The following CADPS2 variants were observed in gnomAD, a reference collection of about 807,000 sequenced individuals.
CADPS2 encodes calcium dependent secretion activator 2.
Under a neutral mutation model 172.5 loss-of-function variants are expected in CADPS2, and 93 were observed. The observed-to-expected ratio is 0.54, with a 90% CI of 0.46 to 0.64. CADPS2 has a LOEUF of 0.64. CADPS2 is among the 30% of genes least tolerant of loss of function. The pLI, the probability that CADPS2 is intolerant of heterozygous loss-of-function variation, is 0.00. For missense variants in CADPS2, 1,420 were observed against 1,565.9 expected (o/e 0.91, Z 1.57); for synonymous variants, 546 against 555.2 (o/e 0.98, Z 0.23).
rs2150652747 is a variant in CADPS2, at chr7:122,320,098, A to T, written c.*67T>A. 7.4e-7 allele frequency: 1 copy of T among 1,351,062 alleles called. No homozygotes were observed. The highest frequency in any genetic ancestry group is 9.7e-7 in the Non-Finnish European group (1 of 1,030,926). 83.7% of individuals were successfully genotyped at this position (1,351,062 alleles called of 1,614,324 possible). ...ACAAACAATGAATGTAATTACAAGG[A>T]CAAGGTTAAAAAAATAAAAAACAAT... On this transcript the variant is annotated 3_prime_UTR_variant, in exon 30 of 30. Coordinates refer to ENST00000449022, the MANE Select transcript of CADPS2 (RefSeq NM_017954.11).
intron 8 of CADPS2, among the ~76,000 whole-genome samples, chr7:122,544,443 GATTT>G (rs2063418809): frequency 6.6e-6 from 1 of 152,048 alleles, no homozygotes; most frequent in Non-Finnish European, 1.5e-5. Context: ...AAACGACAAC[GATTT>G]ATTATTTCTT....
intron 1 of CADPS2, among the ~76,000 whole-genome samples, chr7:122,839,299 A>G (rs556607943): frequency 8.5e-5 from 13 of 152,220 alleles, no homozygotes; most frequent in Non-Finnish European, 1.2e-4. Flanking sequence ...TAAAGACTTA[A>G]ATGTTAGACC....
At chr7:122,663,627 T>A (rs1266376937) in intron 2 of CADPS2, 58 bp from the exon 3 acceptor site, 11 of 1,267,510 alleles carry the variant, frequency 8.7e-6, no homozygotes, top group African/African-American at 1.5e-5. Context: ...GTGTAGATGC[T>A]AACACCACTT....
In CADPS2 at chr7:122,754,409, G is replaced by T. The variant is rs76409643; in HGVS notation, c.340-17341C>A. Among the ~76,000 whole-genome samples the T allele has an allele frequency of 7.7e-3, 1,179 of 152,260 alleles. 5 individuals carry two copies. The highest frequency in any genetic ancestry group is 0.012 in the Non-Finnish European group (794 of 68,010). ...ATAATCAATGAAATTTAATTAAAATGACTTACTAAAAGGCCTTGACAGCAT... is the reference window on the plus strand; with the variant it reads ...ATAATCAATGAAATTTAATTAAAATTACTTACTAAAAGGCCTTGACAGCAT... On this transcript the variant is annotated intron_variant, in intron 1 of 29. Transcript: ENST00000449022.
At chr7:122,597,438 A>G (rs1169227358) in intron 6 of CADPS2, among the ~76,000 whole-genome samples, 4 of 151,878 alleles carry the variant, frequency 2.6e-5, no homozygotes, top group African/African-American at 4.8e-5. Context: ...TGAAATCCCA[A>G]CTCCCCAAGG....
rs1199233856 is a variant in CADPS2 at position 122,319,565 on chromosome 7, A to T, written c.*600T>A. On this transcript the variant is annotated 3_prime_UTR_variant, in exon 30 of 30. Coordinates refer to ENST00000449022, the MANE Select transcript of CADPS2 (RefSeq NM_017954.11). The stretch of plus-strand genomic sequence containing the variant: ...ACAAACCCATTGGATAATCTAGTCT[A>T]TATTTGGGTTTGGCAATCCTTTCAT... The T allele has an allele frequency of 6.6e-6, 1 of 152,224 alleles. No homozygotes were observed. Among genetic ancestry groups the T allele is most frequent in the Non-Finnish European group, 1.5e-5 (1 of 68,044 alleles). The allele number at this position is 152,224 out of a possible 1,614,324, so 9.4% of individuals were successfully genotyped here.
At chr7:122,382,863 G>A (rs1279600275) in intron 24 of CADPS2, among the ~76,000 whole-genome samples, 2 of 152,070 alleles carry the variant, frequency 1.3e-5, no homozygotes, top group Non-Finnish European at 2.9e-5. Context: ...TGGTGGGAAT[G>A]TAAATTAATT....
At chr7:122,469,690 G>A (rs952085899) in intron 14 of CADPS2, among the ~76,000 whole-genome samples, 1 of 152,090 alleles carries the variant, frequency 6.6e-6, no homozygotes, top group Non-Finnish European at 1.5e-5. Context: ...GCAGCACTGG[G>A]GACTTCAACA....
At position 122,836,870 on chromosome 7, in the gene CADPS2, G is replaced by A. The variant is rs567483514; in HGVS notation, c.339+49129C>T. ...CACTGTCAACATTAGACAGATCAACGAGACAGAAAGTTAACAAGGATATCC... is the reference window on the plus strand; with the variant it reads ...CACTGTCAACATTAGACAGATCAACAAGACAGAAAGTTAACAAGGATATCC... On this transcript the variant is annotated intron_variant, in intron 1 of 29. Coordinates refer to ENST00000449022, the MANE Select transcript of CADPS2 (RefSeq NM_017954.11). Among the ~76,000 whole-genome samples, 48 of 152,016 alleles carry A rather than the reference G, an allele frequency of 3.2e-4. 1 individual carries two copies. The highest frequency in any genetic ancestry group is 6.8e-4 in the African/African-American group (28 of 41,390).
intron 1 of CADPS2, among the ~76,000 whole-genome samples, chr7:122,862,904 T>A (rs1042777442): frequency 3.3e-5 from 5 of 152,170 alleles, no homozygotes; most frequent in Admixed American, 2.6e-4. Flanking sequence ...GTCAAGAAGA[T>A]AAAGTAGATG....
At chr7:122,734,002 T>C (rs1562889057) in intron 2 of CADPS2, among the ~76,000 whole-genome samples, 2 of 151,924 alleles carry the variant, frequency 1.3e-5, no homozygotes, top group Admixed American at 6.6e-5. Context: ...AGAACTTTTG[T>C]TCACAAAGCA....
At chr7:122,509,771 T>G (rs943025572) in intron 9 of CADPS2, among the ~76,000 whole-genome samples, 1 of 152,194 alleles carries the variant, frequency 6.6e-6, no homozygotes, top group African/African-American at 2.4e-5. Context: ...TCTGTATTAT[T>G]TTCTTATCTG....
intron 2 of CADPS2, among the ~76,000 whole-genome samples, chr7:122,693,068 C>A (rs545798845): frequency 1.6e-4 from 25 of 152,330 alleles, no homozygotes; most frequent in African/African-American, 5.5e-4. Context: ...TGCTGAGTCA[C>A]TCTGGATGTT....
At chr7:122,763,839 G>A (rs566459498) in intron 1 of CADPS2, among the ~76,000 whole-genome samples, 10 of 152,162 alleles carry the variant, frequency 6.6e-5, no homozygotes, top group Admixed American at 3.9e-4. Context: ...AGATGAGATC[G>A]GGCGCATTCA....
intron 20 of CADPS2, among the ~76,000 whole-genome samples, chr7:122,394,321 G>A (rs1585577509): frequency 6.6e-6 from 1 of 152,192 alleles, no homozygotes; most frequent in East Asian, 1.9e-4. Flanking sequence ...CTATGCAGAT[G>A]ATACAATTTT....
At chr7:122,366,704 TACATATATATATACAC>T in intron 25 of CADPS2, 3 of 146,466 alleles carry the variant, frequency 2.0e-5, no homozygotes, top group East Asian at 3.9e-4. Context: ...TATATACGTA[TACATATATATATACAC>T]ACATATATGT....
chr7:122,571,766 G>A (rs1451987279), intron 7 of CADPS2, among the ~76,000 whole-genome samples: 1 of 152,098 alleles, frequency 6.6e-6, no homozygotes, highest in East Asian at 1.9e-4. Flanking sequence ...CTATCTGAAA[G>A]GATTTAAGCC....
At chr7:122,355,512 T>C (rs1281038860) in intron 27 of CADPS2, among the ~76,000 whole-genome samples, 2 of 151,774 alleles carry the variant, frequency 1.3e-5, no homozygotes, top group East Asian at 1.9e-4. Flanking sequence ...ACCCGGGAGG[T>C]TGGAGGTTGC....
At chr7:122,809,851 C>A (rs1799644338) in intron 1 of CADPS2, among the ~76,000 whole-genome samples, 1 of 152,150 alleles carries the variant, frequency 6.6e-6, no homozygotes, top group Non-Finnish European at 1.5e-5. Flanking sequence ...CTAAAGACAA[C>A]AGATTCTCTC....
Sources: allele counts gnomAD v4.1 joint callset (sites outside exome capture counted in the v4.1 genomes callset), GRCh38; gene constraint gnomAD v4.1.1; transcripts MANE v1.5; gene names NCBI Gene and HGNC (gene_info 2026-07-23, HGNC 2026-07-21).